FHIT: variants seen among roughly 807,000 people sequenced by gnomAD.
FHIT encodes the protein fragile histidine triad diadenosine triphosphatase, also known as bis(5'-adenosyl)-triphosphatase.
Under a neutral mutation model 17.9 loss-of-function variants are expected in FHIT, and 19 were observed. The observed-to-expected ratio is 1.06, with a 90% CI of 0.74 to 1.56. The LOEUF (loss-of-function observed/expected upper bound fraction) is 1.56. Among genes scored for constraint, FHIT ranks in the 40% most tolerant of loss-of-function variants. The pLI is 0.00. For missense variants in FHIT, 248 were observed against 189.2 expected, an observed-to-expected ratio of 1.31 and a Z score of -1.82; for synonymous variants, 81 against 69.7, an observed-to-expected ratio of 1.16 and a Z score of -0.81.
At chr3:60,135,700 A>G (rs1014043511) in intron 5 of FHIT, among the ~76,000 whole-genome samples, 1 of 152,152 alleles carries the variant, frequency 6.6e-6, no homozygotes, top group African/African-American at 2.4e-5. Context: ...CAGCAGCAGG[A>G]GCCTGCACAA....
At chr3:59,892,717 G>A (rs1451834178) in intron 8 of FHIT, among the ~76,000 whole-genome samples, 1 of 152,134 alleles carries the variant, frequency 6.6e-6, no homozygotes, top group Non-Finnish European at 1.5e-5. Flanking sequence ...AATTAATGTT[G>A]TATGTCATAA....
chr3:60,149,985 CCTTTTT>C lies in FHIT; in HGVS notation c.104-135839_104-135834del, dbSNP rs1258931885. 3.7e-3 allele frequency among the ~76,000 whole-genome samples: 190 copies of C among 50,918 alleles called. 5 individuals are homozygous for C. The highest frequency in any genetic ancestry group is 0.01 in the African/African-American group (149 of 14,598). The allele number at this position is 50,918 out of a possible 152,430, so 33.4% of individuals were successfully genotyped here. On this transcript the variant is annotated intron_variant, in intron 5 of 9. Transcript: ENST00000492590. ...GCTGGATAAAAGGCAAACCTTTAAGCCTTTTTTTTTTTTTTTTTTTTTTTTGGTGAC... is the reference window on the plus strand; with the variant it reads ...GCTGGATAAAAGGCAAACCTTTAAGCTTTTTTTTTTTTTTTTTTTGGTGAC...
Position 59,868,047 on chromosome 3 carries a change from T to TTA in FHIT, c.348+54298_348+54299insTA, listed in dbSNP as rs397964099. ...TGCTGTGGAAATGTTTTTTTTTTTT[T>TTA]AAAAAAAAAAAAAAAAAAACCTTTC... On this transcript the variant is annotated intron_variant, in intron 8 of 9. Transcript: ENST00000492590. Among the ~76,000 whole-genome samples the TTA allele has an allele frequency of 3.4e-3, 375 of 111,352 alleles. 3 individuals carry two copies. The highest frequency in any genetic ancestry group is 0.02 in the East Asian group (77 of 3,862). 73.1% of individuals were successfully genotyped at this position (111,352 alleles called of 152,430 possible).
intron 3 of FHIT, among the ~76,000 whole-genome samples, chr3:60,925,102 C>T (rs548456860): frequency 6.6e-6 from 1 of 152,288 alleles, no homozygotes; most frequent in African/African-American, 2.4e-5. Context: ...CTGAAAGTGA[C>T]AGGGAGAATG....
chr3:60,591,357 G>A (rs1301719935), intron 4 of FHIT, among the ~76,000 whole-genome samples: 1 of 151,164 alleles, frequency 6.6e-6, no homozygotes, highest in Non-Finnish European at 1.5e-5. Context: ...CCTAATGAGA[G>A]ATAGTCTTAG....
chr3:60,890,355 T>C (rs543643867), intron 3 of FHIT, among the ~76,000 whole-genome samples: 11 of 151,904 alleles, frequency 7.2e-5, no homozygotes, highest in Admixed American at 2.6e-4. Flanking sequence ...CAGGGCAGCA[T>C]AGCCGAAAGC....
chr3:60,348,861 C>T (rs547437998), intron 5 of FHIT, among the ~76,000 whole-genome samples: 15 of 152,294 alleles, frequency 9.8e-5, no homozygotes, highest in Admixed American at 2.6e-4. Context: ...AGCCTGCTGG[C>T]GGATACAAAA....
intron 4 of FHIT, among the ~76,000 whole-genome samples, chr3:60,712,630 C>G (rs367688553): frequency 1.3e-4 from 20 of 152,052 alleles, no homozygotes; most frequent in Non-Finnish European, 2.2e-4. Flanking sequence ...TGCAATCCTA[C>G]TCTCTGATAA....
intron 1 of FHIT, among the ~76,000 whole-genome samples, chr3:61,218,470 C>G (rs544325875): frequency 2.0e-5 from 3 of 152,138 alleles, no homozygotes; most frequent in Admixed American, 2.0e-4. Flanking sequence ...AAAGACAATC[C>G]TAGATAAGCT....
intron 7 of FHIT, among the ~76,000 whole-genome samples, chr3:59,977,713 A>T (rs1292468847): frequency 6.6e-6 from 1 of 152,174 alleles, no homozygotes; most frequent in Admixed American, 6.5e-5. Context: ...TAAAGCAAAG[A>T]GATTCTCTCA....
chr3:59,910,875 G>A (rs1704837029), intron 8 of FHIT, among the ~76,000 whole-genome samples: 1 of 151,888 alleles, frequency 6.6e-6, no homozygotes, highest in African/African-American at 2.4e-5. Flanking sequence ...CTCCAAATTA[G>A]GAAAGATGGG....
At chr3:59,909,496 A>G (rs1406616623) in intron 8 of FHIT, among the ~76,000 whole-genome samples, 1 of 151,714 alleles carries the variant, frequency 6.6e-6, no homozygotes, top group African/African-American at 2.4e-5. Context: ...CACCTGGCTA[A>G]TTTTTGTATT....
At chr3:60,035,618 T>C (rs952610565) in intron 5 of FHIT, among the ~76,000 whole-genome samples, 32 of 152,314 alleles carry the variant, frequency 2.1e-4, no homozygotes, top group African/African-American at 7.5e-4. Flanking sequence ...CATGGAATCA[T>C]GCAATGAATT....
At chr3:59,990,343 C>G (rs1330436422) in intron 7 of FHIT, among the ~76,000 whole-genome samples, 1 of 151,986 alleles carries the variant, frequency 6.6e-6, no homozygotes, top group Non-Finnish European at 1.5e-5. Context: ...GGTAGCAATT[C>G]TAATTCTTTT....
At chr3:60,773,375 A>T (rs1173120262) in intron 4 of FHIT, among the ~76,000 whole-genome samples, 1 of 152,270 alleles carries the variant, frequency 6.6e-6, no homozygotes, top group South Asian at 2.1e-4. Context: ...CATCTCCATA[A>T]TCATATGGGT....
intron 4 of FHIT, among the ~76,000 whole-genome samples, chr3:60,635,504 C>G (rs565702390): frequency 6.6e-6 from 1 of 152,264 alleles, no homozygotes; most frequent in African/African-American, 2.4e-5. Context: ...TACTACCTGG[C>G]TCCATTTGTC....
At chr3:60,086,669 A>G (rs1703506745) in intron 5 of FHIT, among the ~76,000 whole-genome samples, 1 of 152,234 alleles carries the variant, frequency 6.6e-6, no homozygotes, top group South Asian at 2.1e-4. Flanking sequence ...CCGGGCAGAC[A>G]TGATATCTTA....
intron 3 of FHIT, among the ~76,000 whole-genome samples, chr3:60,894,618 T>C (rs1273428592): frequency 6.6e-6 from 1 of 152,046 alleles, no homozygotes; most frequent in Admixed American, 6.6e-5. Flanking sequence ...GGCTCCTTGA[T>C]ATTCAAAGCT....
chr3:60,614,843 T>G (rs1576975166), intron 4 of FHIT, among the ~76,000 whole-genome samples: 1 of 64,502 alleles, frequency 1.6e-5, no homozygotes, highest in African/African-American at 3.9e-5. Flanking sequence ...TTTTTTTTTG[T>G]TTTTTGAGAT....
Sources: gnomAD v4.1 joint callset for allele counts (sites outside exome capture counted in the v4.1 genomes callset) on GRCh38, gnomAD v4.1.1 for gene constraint, MANE v1.5 for transcripts, NCBI Gene and HGNC (gene_info 2026-07-23, HGNC 2026-07-21) for gene names.